The following IFI16 variants were observed in gnomAD, a reference collection of about 807,000 sequenced individuals.
The protein encoded by IFI16 is gamma-interferon-inducible protein 16.
IFI16 carries 49 observed loss-of-function variants against 68.4 expected under a neutral mutation model. That is an observed-to-expected ratio of 0.72 (90% CI 0.57 to 0.91). IFI16 has a LOEUF of 0.91. Ranked by LOEUF, IFI16 falls within the 40% of genes least tolerant of loss-of-function variation. The pLI is 0.00. For synonymous variants in IFI16, 307 were observed against 315.0 expected (o/e 0.97, Z 0.27); for missense variants, 878 against 942.9 (o/e 0.93, Z 0.90).
intron 7 of IFI16, among the ~76,000 whole-genome samples, chr1:159,036,235 G>C (rs1213909069): frequency 6.6e-6 from 1 of 152,184 alleles, no homozygotes; most frequent in Non-Finnish European, 1.5e-5. Flanking sequence ...TAACAGTCAT[G>C]ATTGATGCTA....
rs779491193 is a variant in IFI16, at chr1:159,018,375, A to G, written c.696A>G (p.Thr232=). 52 of 1,614,204 alleles carry G rather than the reference A, an allele frequency of 3.2e-5. No homozygotes were observed. Among genetic ancestry groups the G allele is most frequent in the Non-Finnish European group, 4.1e-5 (48 of 1,180,006 alleles). The change falls in exon 5 of 12, where the codon ACA becomes ACG. Residue 232 remains threonine (T), a synonymous_variant. Transcript: ENST00000295809. ...EMEKKIMFHA[T]VATQTQFFHV... is the part of the protein sequence containing the mutation. ...AGAAAAAAATAATGTTTCATGCTAC[A>G]GTGGCTACACAGACACAGTTCTTCC...
intron 9 of IFI16, among the ~76,000 whole-genome samples, chr1:159,051,269 A>G (rs1053519896): frequency 6.6e-6 from 1 of 152,094 alleles, no homozygotes; most frequent in African/African-American, 2.4e-5. Flanking sequence ...ACGGACCAGC[A>G]GTGCTCAATA....
intron 7 of IFI16, among the ~76,000 whole-genome samples, chr1:159,037,397 T>C (rs1459004769): frequency 3.3e-5 from 5 of 152,210 alleles, no homozygotes; most frequent in Admixed American, 2.0e-4. Context: ...AGGAAAGCCT[T>C]GTCCTTACTC....
chr1:159,033,753 G>T (rs964298008), intron 7 of IFI16, among the ~76,000 whole-genome samples: 2 of 152,146 alleles, frequency 1.3e-5, no homozygotes, highest in South Asian at 4.1e-4. Context: ...TATTAGTCAC[G>T]TAACAGTTAC....
At chr1:159,013,420 G>C (rs542761003) in intron 1 of IFI16, among the ~76,000 whole-genome samples, 66 of 151,998 alleles carry the variant, frequency 4.3e-4, no homozygotes, top group African/African-American at 1.5e-3. Flanking sequence ...CGACCACCTC[G>C]GCCTCCCAAC....
At chr1:159,022,189 T>A (rs1034299717) in intron 6 of IFI16, among the ~76,000 whole-genome samples, 6 of 151,896 alleles carry the variant, frequency 4.0e-5, no homozygotes, top group African/African-American at 1.4e-4. Flanking sequence ...TGGTCTCGAT[T>A]TCCTGACCTC....
intron 6 of IFI16, among the ~76,000 whole-genome samples, chr1:159,022,308 T>C (rs1653387692): frequency 6.6e-6 from 1 of 152,204 alleles, no homozygotes; most frequent in Non-Finnish European, 1.5e-5. Flanking sequence ...GCAATGCTTG[T>C]TCCCTGGTGC....
At chr1:159,043,677 T>C (rs1654804428) in intron 7 of IFI16, among the ~76,000 whole-genome samples, 2 of 152,186 alleles carry the variant, frequency 1.3e-5, no homozygotes, top group Admixed American at 1.3e-4. Context: ...CTTTGATTTA[T>C]GCTGTTACGT....
chr1:159,021,685 T>G (rs938615318), intron 6 of IFI16, among the ~76,000 whole-genome samples: 12 of 152,338 alleles, frequency 7.9e-5, no homozygotes, highest in African/African-American at 2.6e-4. Context: ...ATACACTGTT[T>G]ACTATAGTAG....
At position 159,018,487 on chromosome 1, in the gene IFI16, C is replaced by G; in HGVS notation, c.808C>G (p.Leu270Val). 1 of 1,613,682 alleles carries G rather than the reference C, an allele frequency of 6.2e-7. No homozygotes were observed. The highest frequency in any genetic ancestry group is 8.5e-7 in the Non-Finnish European group (1 of 1,179,596). Residue 270 changes from leucine to valine, a missense_variant, in exon 5 of 12, where the codon CTC (leucine) becomes GTC (valine). Leu to Val is a conservative substitution (Grantham distance 32). Coordinates refer to ENST00000295809, the MANE Select transcript of IFI16 (RefSeq NM_001376587.1). ...ATCAGATTATTTGGAATATGATAGT[C>G]TCCTAGAGGTCAATGAAGAATCTAC... ...IISDYLEYDS[L>V]LEVNEESTVS...
chr1:159,012,105 T>G (rs1233973950), intron 1 of IFI16, among the ~76,000 whole-genome samples: 2 of 48,342 alleles, frequency 4.1e-5, no homozygotes, highest in Admixed American at 4.5e-4. Context: ...ATTTTTAATT[T>G]TATTCATGTT....
upstream of IFI16, among the ~76,000 whole-genome samples, chr1:159,007,866 A>G (rs970438634): frequency 6.6e-6 from 1 of 152,214 alleles, no homozygotes; most frequent in Non-Finnish European, 1.5e-5. Context: ...TCTTCTCTAA[A>G]AAGGGGAAAC....
chr1:159,043,528 G>A (rs1221140543), intron 7 of IFI16, among the ~76,000 whole-genome samples: 4 of 152,144 alleles, frequency 2.6e-5, no homozygotes, highest in Admixed American at 2.6e-4. Context: ...CTGCAAAAAT[G>A]GTGTCTGACC....
chr1:159,047,717 A>G (rs866920088), intron 8 of IFI16, among the ~76,000 whole-genome samples: 2 of 147,858 alleles, frequency 1.4e-5, no homozygotes, highest in South Asian at 4.3e-4. Flanking sequence ...GTGATTCGCA[A>G]CGTAAGCCGG....
intron 6 of IFI16, among the ~76,000 whole-genome samples, chr1:159,023,046 G>T (rs980489274): frequency 6.6e-6 from 1 of 152,224 alleles, no homozygotes; most frequent in Middle Eastern, 3.4e-3. Flanking sequence ...CAAAGGCAGG[G>T]AATAATATAA....
At chr1:159,053,865 C>A in intron 11 of IFI16, 141 bp downstream of exon 11, 1 of 529,286 alleles carries the variant, frequency 1.9e-6, no homozygotes, top group South Asian at 3.4e-5. Context: ...GTGTAAACTT[C>A]CCACCATTGT....
chr1:159,020,270 A>T, intron 5 of IFI16, 71 bp from the exon 6 acceptor site: 1 of 1,102,724 alleles, frequency 9.1e-7, no homozygotes, highest in Non-Finnish European at 1.4e-6. Flanking sequence ...CTCTCTTAGA[A>T]GGGACTTCAG....
At chr1:159,046,151 G>A (rs1654971035) in intron 8 of IFI16, among the ~76,000 whole-genome samples, 1 of 150,978 alleles carries the variant, frequency 6.6e-6, no homozygotes, top group Admixed American at 6.6e-5. Flanking sequence ...ACGTTATTTG[G>A]CTTATGTTGT....
upstream of IFI16, among the ~76,000 whole-genome samples, chr1:159,008,579 C>T (rs1652357822): frequency 6.6e-6 from 1 of 152,108 alleles, no homozygotes; most frequent in Non-Finnish European, 1.5e-5. Flanking sequence ...GTCATAACTT[C>T]CAAGGGTTCT....
Sources: gnomAD v4.1 joint callset for allele counts (sites outside exome capture counted in the v4.1 genomes callset) on GRCh38, gnomAD v4.1.1 for gene constraint, MANE v1.5 for transcripts, NCBI Gene and HGNC (gene_info 2026-07-23, HGNC 2026-07-21) for gene names.